Variants in WARS2 observed in about 807,000 individuals in gnomAD.
WARS2 encodes the protein tryptophan--tRNA ligase, mitochondrial.
WARS2 carries 28 observed loss-of-function variants against 36.5 expected under a neutral mutation model. The observed-to-expected ratio is 0.77, with a 90% CI of 0.57 to 1.05. The LOEUF is 1.05. Ranked by LOEUF, WARS2 falls within the 50% of genes least tolerant of loss-of-function variation. WARS2 has a pLI of 0.00. For synonymous variants in WARS2, 174 were observed against 178.4 expected, an observed-to-expected ratio of 0.98 and a Z score of 0.20; for missense variants, 435 against 456.8, an observed-to-expected ratio of 0.95 and a Z score of 0.44.
intron 1 of WARS2, among the ~76,000 whole-genome samples, chr1:119,093,526 G>C (rs895856548): frequency 1.3e-5 from 2 of 149,658 alleles, no homozygotes; most frequent in African/African-American, 5.0e-5. Context: ...CAGACACATA[G>C]AGGGAAAAGG....
At chr1:119,097,855 C>CA (rs1653553832) in intron 1 of WARS2, among the ~76,000 whole-genome samples, 1 of 152,138 alleles carries the variant, frequency 6.6e-6, no homozygotes, top group Non-Finnish European at 1.5e-5. Context: ...CCATGACACT[C>CA]AGAGTCCCCA....
chr1:119,123,625 TTAA>T (rs964913797), intron 1 of WARS2, among the ~76,000 whole-genome samples: 1 of 148,814 alleles, frequency 6.7e-6, no homozygotes, highest in Non-Finnish European at 1.5e-5. Context: ...CACACACACG[TTAA>T]TGTTAGTCTA....
At chr1:119,056,186 ATTTTTTTTTT>A (rs751264352) in intron 2 of WARS2, among the ~76,000 whole-genome samples, 2 of 116,174 alleles carry the variant, frequency 1.7e-5, no homozygotes, top group Non-Finnish European at 3.5e-5. Flanking sequence ...TGCCTGGCTA[ATTTTTTTTTT>A]TTTTTTTTTT....
intron 1 of WARS2, among the ~76,000 whole-genome samples, chr1:119,129,153 A>G (rs1256053264): frequency 6.6e-6 from 1 of 152,172 alleles, no homozygotes; most frequent in Non-Finnish European, 1.5e-5. Flanking sequence ...CATATTTTGG[A>G]ACCTAATTCC....
chr1:119,068,839 T>TCTCA (rs1557957769), intron 2 of WARS2, among the ~76,000 whole-genome samples: 21 of 133,960 alleles, frequency 1.6e-4, no homozygotes, highest in African/African-American at 3.1e-4. Context: ...TCTCTCTCTC[T>TCTCA]CACACACACA....
intron 2 of WARS2, chr1:119,064,932 G>T (rs1039223304): frequency 6.6e-6 from 1 of 152,094 alleles, no homozygotes; most frequent in Non-Finnish European, 1.5e-5. Flanking sequence ...TCAGAAAATA[G>T]AAAGTATTTT....
intron 1 of WARS2, among the ~76,000 whole-genome samples, chr1:119,127,994 T>A (rs1655795249): frequency 6.6e-6 from 1 of 152,184 alleles, no homozygotes; most frequent in Admixed American, 6.5e-5. Context: ...TAACTAACCT[T>A]CTGCACTAAT....
rs538720268 is a variant in WARS2, at chr1:119,049,283, G to A, written c.349-3621C>T. Among the ~76,000 whole-genome samples, 3 of 152,126 alleles carry A rather than the reference G, an allele frequency of 2.0e-5. No individual in the cohort carries two copies. The South Asian group carries it at 6.2e-4, about 32-fold the overall frequency. Reference sequence around the variant, plus strand: ...GGGCCACCAAGCGGCCCAACTCCAGGGGAAAACCATCTCCCTTCTGGCTCC... The same window carrying A: ...GGGCCACCAAGCGGCCCAACTCCAGAGGAAAACCATCTCCCTTCTGGCTCC... On this transcript the variant is annotated intron_variant, in intron 2 of 5. Coordinates refer to ENST00000235521, the MANE Select transcript of WARS2 (RefSeq NM_015836.4).
intron 2 of WARS2, among the ~76,000 whole-genome samples, chr1:119,066,288 C>T (rs1443258230): frequency 2.0e-5 from 3 of 151,998 alleles, no homozygotes; most frequent in Admixed American, 6.6e-5. Flanking sequence ...ACCATCCTGG[C>T]TAATACGGTG....
chr1:119,126,543 A>G, intron 1 of WARS2: 1 of 572,342 alleles, frequency 1.7e-6, no homozygotes, highest in East Asian at 3.1e-5. Flanking sequence ...TGAACTTCAG[A>G]CAGATTCTTG....
intron 2 of WARS2, among the ~76,000 whole-genome samples, chr1:119,046,956 A>AT (rs889217576): frequency 1.3e-5 from 2 of 151,920 alleles, no homozygotes; most frequent in Non-Finnish European, 2.9e-5. Context: ...ATAGTTTCTC[A>AT]TTTTTTTCCT....
intron 2 of WARS2, among the ~76,000 whole-genome samples, chr1:119,050,174 G>C (rs1005272316): frequency 6.6e-6 from 1 of 152,134 alleles, no homozygotes; most frequent in Non-Finnish European, 1.5e-5. Context: ...GGTGTTCTCA[G>C]AAAACACCAA....
At chr1:119,109,462 A>C in intron 1 of WARS2, among the ~76,000 whole-genome samples, 1 of 151,912 alleles carries the variant, frequency 6.6e-6, no homozygotes, top group Non-Finnish European at 1.5e-5. Context: ...ATCCTTGATA[A>C]CTTTCCTTGA....
chr1:119,061,597 T>C (rs763733117), intron 2 of WARS2, among the ~76,000 whole-genome samples: 1 of 152,170 alleles, frequency 6.6e-6, no homozygotes, highest in Non-Finnish European at 1.5e-5. Flanking sequence ...GGATGCTACC[T>C]TCTCCCTTAG....
intron 1 of WARS2, among the ~76,000 whole-genome samples, chr1:119,089,730 C>G (rs1306591378): frequency 1.3e-5 from 2 of 152,008 alleles, no homozygotes; most frequent in African/African-American, 2.4e-5. Flanking sequence ...TCTGGTGTTC[C>G]CCCTGATCAT....
At chr1:119,089,975 G>A (rs1363174062) in intron 1 of WARS2, among the ~76,000 whole-genome samples, 2 of 152,114 alleles carry the variant, frequency 1.3e-5, no homozygotes, top group Non-Finnish European at 1.5e-5. Context: ...AGGCCTGTCA[G>A]GTTGGAGAGG....
At chr1:119,129,495 G>T (rs1489233431) in intron 1 of WARS2, among the ~76,000 whole-genome samples, 1 of 152,054 alleles carries the variant, frequency 6.6e-6, no homozygotes, top group Non-Finnish European at 1.5e-5. Flanking sequence ...CACCATTTGA[G>T]CCCAGGAGTT....
intron 2 of WARS2, among the ~76,000 whole-genome samples, 179 bp from the exon 3 acceptor site, chr1:119,045,841 A>G (rs1158292174): frequency 6.6e-6 from 1 of 152,162 alleles, no homozygotes; most frequent in Non-Finnish European, 1.5e-5. Context: ...GTGAAGAAAA[A>G]AATCATACAA....
At position 119,032,864 on chromosome 1, in the gene WARS2, C is replaced by T. The variant is rs774567512; in HGVS notation, c.*47G>A. On this transcript the variant is annotated 3_prime_UTR_variant, in exon 6 of 6. Transcript: ENST00000235521. ...TAGGAAAGCTGCCGTTATCAGAATG[C>T]ATGGAGTGCAAGGCACAAAAGCCTT... The T allele has an allele frequency of 6.6e-7, 1 of 1,521,960 alleles. No homozygotes were observed. Among genetic ancestry groups the T allele is most frequent in the Non-Finnish European group, 8.9e-7 (1 of 1,122,144 alleles). The allele number at this position is 1,521,960 out of a possible 1,614,324, so 94.3% of individuals were successfully genotyped here. A position where few individuals can be genotyped will look rare whatever the true frequency, so the allele number is the denominator to read the frequency against.
Sources: allele counts gnomAD v4.1 joint callset (sites outside exome capture counted in the v4.1 genomes callset), GRCh38; gene constraint gnomAD v4.1.1; transcripts MANE v1.5; gene names NCBI Gene and HGNC (gene_info 2026-07-23, HGNC 2026-07-21).